ZFHX3: variants seen among roughly 807,000 people sequenced by gnomAD.
ZFHX3 encodes zinc finger homeobox 3.
In ZFHX3, 42 loss-of-function variants were observed where a neutral mutation model predicts 279.1. That is an observed-to-expected ratio of 0.15 (90% confidence interval 0.12 to 0.19). The LOEUF is 0.19. Ranked by LOEUF, ZFHX3 falls within the 10% of genes least tolerant of loss-of-function variation. The probability of loss-of-function intolerance (pLI) is 1.00; values close to 1 mark genes in which losing one functional copy is unlikely to be tolerated. For synonymous variants in ZFHX3, 2,293 were observed against 1,957.8 expected (o/e 1.17, Z -4.52); for missense variants, 4,981 against 4,754.0 (o/e 1.05, Z -1.40).
intron 1 of ZFHX3, among the ~76,000 whole-genome samples, chr16:73,757,120 G>C (rs998296657): frequency 6.6e-6 from 1 of 152,152 alleles, no homozygotes. Flanking sequence ...AACGGTGAGG[G>C]GCAGGGGGCT....
intron 5 of ZFHX3, among the ~76,000 whole-genome samples, chr16:73,179,322 C>T (rs758665339): frequency 6.6e-6 from 1 of 152,180 alleles, no homozygotes; most frequent in Non-Finnish European, 1.5e-5. Flanking sequence ...ACAAGTAACA[C>T]AAGTAGCTTA....
chr16:73,345,843 T>A (rs1203373243), intron 3 of ZFHX3, among the ~76,000 whole-genome samples: 1 of 152,148 alleles, frequency 6.6e-6, no homozygotes, highest in African/African-American at 2.4e-5. Context: ...TGGTGCTTGG[T>A]GGTGCTCGGT....
intron 2 of ZFHX3, among the ~76,000 whole-genome samples, chr16:73,500,825 T>C (rs1409810045): frequency 6.6e-6 from 1 of 152,148 alleles, no homozygotes; most frequent in East Asian, 1.9e-4. Flanking sequence ...AAAAAAGTTA[T>C]AGTAAGCTAA....
chr16:73,128,621 C>T (rs1407011425), intron 7 of ZFHX3, among the ~76,000 whole-genome samples: 1 of 152,168 alleles, frequency 6.6e-6, no homozygotes, highest in Non-Finnish European at 1.5e-5. Flanking sequence ...CTGACCCATA[C>T]TCAAGCACTC....
chr16:73,171,031 T>G (rs1347684474), intron 5 of ZFHX3, among the ~76,000 whole-genome samples: 2 of 152,142 alleles, frequency 1.3e-5, no homozygotes, highest in East Asian at 3.9e-4. Flanking sequence ...ATGAACTAAT[T>G]AAAATTTAAT....
chr16:73,863,094 C>A (rs1402247111), intron 1 of ZFHX3, among the ~76,000 whole-genome samples: 1 of 152,066 alleles, frequency 6.6e-6, no homozygotes, highest in Admixed American at 6.5e-5. Context: ...TAATCCCAGA[C>A]ACTCAGGAGG....
At chr16:72,972,269 G>T (rs1962138613) in intron 1 of ZFHX3, among the ~76,000 whole-genome samples, 1 of 152,084 alleles carries the variant, frequency 6.6e-6, no homozygotes, top group Non-Finnish European at 1.5e-5. Context: ...GAATTTGACT[G>T]GTGATCCCTC....
intron 1 of ZFHX3, among the ~76,000 whole-genome samples, chr16:73,728,015 G>GCCCCCCA (rs2053534676): frequency 1.3e-5 from 1 of 75,426 alleles, no homozygotes; most frequent in Non-Finnish European, 2.6e-5. Flanking sequence ...GCCGAATTGT[G>GCCCCCCA]CCCCCCCCCC....
intron 3 of ZFHX3, among the ~76,000 whole-genome samples, chr16:73,325,043 G>C (rs1467011195): frequency 6.6e-6 from 1 of 152,108 alleles, no homozygotes; most frequent in African/African-American, 2.4e-5. Context: ...AATCTCTTTT[G>C]TGTATGTTAG....
intron 2 of ZFHX3, among the ~76,000 whole-genome samples, chr16:73,654,091 G>A (rs1199147767): frequency 6.6e-6 from 1 of 151,796 alleles, no homozygotes; most frequent in Non-Finnish European, 1.5e-5. Context: ...GGCTGAGGCA[G>A]GAGAATGGCA....
intron 3 of ZFHX3, among the ~76,000 whole-genome samples, chr16:72,919,777 CTTTTTTTTTTTTTTTTTT>C (rs532405250): frequency 2.4e-5 from 1 of 42,264 alleles, no homozygotes; most frequent in African/African-American, 1.1e-4. Context: ...TATGCACCAT[CTTTTTTTTTTTTTTTTTT>C]TTTTTTTTTT....
At chr16:73,261,295 A>G (rs1248412296) in intron 4 of ZFHX3, among the ~76,000 whole-genome samples, 2 of 152,204 alleles carry the variant, frequency 1.3e-5, no homozygotes, top group South Asian at 2.1e-4. Flanking sequence ...GGAGAAATAT[A>G]TATACAGTTA....
intron 2 of ZFHX3, among the ~76,000 whole-genome samples, chr16:73,495,394 C>T (rs755368167): frequency 2.0e-5 from 3 of 151,970 alleles, no homozygotes; most frequent in Non-Finnish European, 4.4e-5. Context: ...TGGATGCAAA[C>T]GAAAGAAATT....
intron 1 of ZFHX3, among the ~76,000 whole-genome samples, chr16:73,002,176 C>T (rs1236115206): frequency 6.6e-6 from 1 of 152,164 alleles, no homozygotes; most frequent in Non-Finnish European, 1.5e-5. Context: ...AACTCAAACC[C>T]CCGCCAGGAT....
chr16:73,235,779 C>T (rs927460651), intron 5 of ZFHX3, among the ~76,000 whole-genome samples: 1 of 152,038 alleles, frequency 6.6e-6, no homozygotes, highest in Non-Finnish European at 1.5e-5. Flanking sequence ...CTCAAGCAAT[C>T]CTCCCATCAG....
chr16:73,307,099 T>A lies in ZFHX3; in HGVS notation c.-1194+11141A>T, dbSNP rs558520812. On this transcript the variant is annotated intron_variant, in intron 4 of 17. Coordinates refer to the ZFHX3 transcript ENST00000641206. ...ATGATAAAGTCTCTTATGGTTAAGA[T>A]GATCTTTGGAGTAAGAAGTGCAGAA... Among the ~76,000 whole-genome samples, 22 of 152,364 alleles carry A rather than the reference T, an allele frequency of 1.4e-4. 1 individual carries two copies. In the South Asian group the frequency reaches 3.7e-3, roughly 26 times the overall value.
At chr16:73,689,866 C>T (rs2053130991) in intron 1 of ZFHX3, among the ~76,000 whole-genome samples, 2 of 151,470 alleles carry the variant, frequency 1.3e-5, no homozygotes, top group Admixed American at 1.3e-4. Context: ...GCTCTGTCGC[C>T]CAGGCTGGAG....
intron 1 of ZFHX3, among the ~76,000 whole-genome samples, chr16:73,013,763 G>A (rs117274302): frequency 6.6e-6 from 1 of 152,086 alleles, no homozygotes; most frequent in Admixed American, 6.5e-5. Flanking sequence ...GTTGGAACAG[G>A]TAAGGCTGTA....
rs148395498 is a variant in ZFHX3, at chr16:72,822,698, T to A, written c.3529+7081A>T. On this transcript the variant is annotated intron_variant, in intron 5 of 9. Coordinates refer to ENST00000268489, the MANE Select transcript of ZFHX3 (RefSeq NM_006885.4). The stretch of plus-strand genomic sequence containing the variant: ...TGATGAACAATGATTTGCTCCTTAA[T>A]CTACATTTTCACTGCCCTTTATCTA... 1.2e-3 allele frequency among the ~76,000 whole-genome samples: 176 copies of A among 152,140 alleles called. No individual in the cohort carries two copies. In the East Asian group the frequency reaches 0.016, roughly 14 times the overall value.
Sources: gnomAD v4.1 joint callset for allele counts (sites outside exome capture counted in the v4.1 genomes callset) on GRCh38, gnomAD v4.1.1 for gene constraint, MANE v1.5 for transcripts, NCBI Gene and HGNC (gene_info 2026-07-23, HGNC 2026-07-21) for gene names.